Variants in CCSER1 observed in about 807,000 individuals in gnomAD.
The protein encoded by CCSER1 is coiled-coil serine rich protein 1.
In CCSER1, 41 loss-of-function variants were observed where a neutral mutation model predicts 82.0. The ratio of observed to expected loss-of-function variants is 0.50; its 90% confidence interval spans 0.39 to 0.65. CCSER1 has a LOEUF of 0.65. CCSER1 is among the 30% of genes least tolerant of loss of function. CCSER1 has a pLI of 0.00. For synonymous variants in CCSER1, 414 were observed against 383.9 expected, an observed-to-expected ratio of 1.08 and a Z score of -0.92; for missense variants, 1,119 against 1,064.2, an observed-to-expected ratio of 1.05 and a Z score of -0.72.
At chr4:90,636,044 A>G (rs550182485) in intron 6 of CCSER1, among the ~76,000 whole-genome samples, 1 of 152,002 alleles carries the variant, frequency 6.6e-6, no homozygotes, top group African/African-American at 2.4e-5. Context: ...GTTCAAAAAA[A>G]GGCTGATAAA....
chr4:90,553,918 A>T (rs1408315701), intron 5 of CCSER1, among the ~76,000 whole-genome samples: 1 of 152,236 alleles, frequency 6.6e-6, no homozygotes, highest in Non-Finnish European at 1.5e-5. Context: ...CAACTTATCA[A>T]ATAGAATAAC....
At chr4:90,723,797 A>G in intron 6 of CCSER1, 117 bp from the exon 7 acceptor site, 1 of 437,236 alleles carries the variant, frequency 2.3e-6, no homozygotes, top group Non-Finnish European at 4.1e-6. Flanking sequence ...GATTTTTTAC[A>G]TTCATATTTT....
chr4:91,504,177 C>T (rs1012739096), intron 10 of CCSER1, among the ~76,000 whole-genome samples: 1 of 152,102 alleles, frequency 6.6e-6, no homozygotes, highest in African/African-American at 2.4e-5. Context: ...TGGCAGATTA[C>T]TATTAAACTT....
intron 10 of CCSER1, among the ~76,000 whole-genome samples, chr4:91,343,765 TCAG>T (rs1292932836): frequency 1.3e-5 from 2 of 152,136 alleles, no homozygotes; most frequent in Non-Finnish European, 1.5e-5. Flanking sequence ...AAGCCCCTCA[TCAG>T]ACAATACGAT....
At chr4:90,188,777 AT>A (rs1337908048) in intron 1 of CCSER1, among the ~76,000 whole-genome samples, 1 of 151,974 alleles carries the variant, frequency 6.6e-6, no homozygotes, top group Non-Finnish European at 1.5e-5. Flanking sequence ...AAATATGAAC[AT>A]TTTCAACCAT....
chr4:91,400,866 G>T (rs1752272645), intron 10 of CCSER1, among the ~76,000 whole-genome samples: 1 of 151,474 alleles, frequency 6.6e-6, no homozygotes, highest in Admixed American at 6.6e-5. Context: ...TGGCTTCCTT[G>T]TTACCTAAGA....
At chr4:91,215,686 C>A (rs1006051474) in intron 10 of CCSER1, among the ~76,000 whole-genome samples, 1 of 152,216 alleles carries the variant, frequency 6.6e-6, no homozygotes, top group African/African-American at 2.4e-5. Flanking sequence ...TCACAGTCCA[C>A]TGACCCAAAT....
intron 1 of CCSER1, among the ~76,000 whole-genome samples, chr4:90,226,720 G>A (rs1003872933): frequency 6.6e-6 from 1 of 152,182 alleles, no homozygotes; most frequent in African/African-American, 2.4e-5. Flanking sequence ...TGTTGTGGAG[G>A]TGTGCTTCTT....
At chr4:90,622,898 C>T (rs986133862) in intron 5 of CCSER1, among the ~76,000 whole-genome samples, 3 of 152,004 alleles carry the variant, frequency 2.0e-5, no homozygotes, top group African/African-American at 4.8e-5. Flanking sequence ...GTAAAAGTGT[C>T]CCTATTTCTC....
chr4:90,833,211 G>A (rs763284705), intron 8 of CCSER1, among the ~76,000 whole-genome samples: 6 of 152,258 alleles, frequency 3.9e-5, no homozygotes, highest in Admixed American at 6.5e-5. Flanking sequence ...TTGTTGCTGC[G>A]CTGTGTCCTC....
intron 10 of CCSER1, among the ~76,000 whole-genome samples, chr4:91,415,344 A>C (rs1479909639): frequency 6.6e-6 from 1 of 152,116 alleles, no homozygotes; most frequent in Non-Finnish European, 1.5e-5. Context: ...ACATGGAATC[A>C]TGACATCTGC....
chr4:90,331,791 A>T (rs1230600511), intron 3 of CCSER1, among the ~76,000 whole-genome samples: 2 of 151,520 alleles, frequency 1.3e-5, no homozygotes, highest in African/African-American at 4.9e-5. Flanking sequence ...GAAACTGGGC[A>T]TTATGTCTTC....
intron 9 of CCSER1, among the ~76,000 whole-genome samples, chr4:91,069,295 C>T (rs1206125263): frequency 1.3e-5 from 2 of 152,042 alleles, no homozygotes; most frequent in Non-Finnish European, 2.9e-5. Flanking sequence ...AATGTAGTCT[C>T]AGAGTTTTTG....
chr4:90,219,130 C>A (rs983666450), intron 1 of CCSER1, among the ~76,000 whole-genome samples: 1 of 152,026 alleles, frequency 6.6e-6, no homozygotes, highest in Non-Finnish European at 1.5e-5. Flanking sequence ...GGTTAGAAAT[C>A]ATTTGAATAA....
At chr4:90,923,272 T>C in intron 8 of CCSER1, 98 bp from the exon 9 acceptor site, 1 of 839,478 alleles carries the variant, frequency 1.2e-6, no homozygotes, top group Non-Finnish European at 2.0e-6. Flanking sequence ...GAGAAGAACA[T>C]GAATTATACA....
chr4:90,954,725 A>C (rs1733252713), intron 9 of CCSER1, among the ~76,000 whole-genome samples: 2 of 152,146 alleles, frequency 1.3e-5, no homozygotes, highest in Admixed American at 1.3e-4. Context: ...GTAAGTTTCA[A>C]CTAGGGAAAC....
intron 10 of CCSER1, among the ~76,000 whole-genome samples, chr4:91,570,995 C>T (rs201576882): frequency 6.6e-6 from 1 of 152,136 alleles, no homozygotes; most frequent in Middle Eastern, 3.2e-3. Flanking sequence ...GTTCAAAGTT[C>T]CACAGATCTC....
intron 10 of CCSER1, among the ~76,000 whole-genome samples, chr4:91,567,005 C>A (rs1762921896): frequency 6.6e-6 from 1 of 152,062 alleles, no homozygotes; most frequent in African/African-American, 2.4e-5. Context: ...ATCTTTCTAA[C>A]TTACTTTTGC....
chr4:90,285,417 A>G (rs1434388862), intron 1 of CCSER1, among the ~76,000 whole-genome samples: 1 of 151,970 alleles, frequency 6.6e-6, no homozygotes, highest in Non-Finnish European at 1.5e-5. Flanking sequence ...AAATGGGATT[A>G]CTTTCTTAGT....
Sources: allele counts gnomAD v4.1 joint callset (sites outside exome capture counted in the v4.1 genomes callset), GRCh38; gene constraint gnomAD v4.1.1; transcripts MANE v1.5; gene names NCBI Gene and HGNC (gene_info 2026-07-23, HGNC 2026-07-21).